TTC6: variants seen among roughly 807,000 people sequenced by gnomAD.
TTC6 encodes tetratricopeptide repeat protein 6.
A neutral mutation model predicts 210.4 loss-of-function variants in TTC6; 172 were observed. That is an observed-to-expected ratio of 0.82 (90% confidence interval 0.72 to 0.93). TTC6 has a LOEUF of 0.93. Among genes scored for constraint, TTC6 ranks in the 40% least tolerant of loss-of-function variants. The pLI, the probability that TTC6 is intolerant of heterozygous loss-of-function variation, is 0.00. For synonymous variants in TTC6, 804 were observed against 819.6 expected (o/e 0.98, Z 0.32); for missense variants, 2,414 against 2,318.1 (o/e 1.04, Z -0.85).
intron 14 of TTC6, among the ~76,000 whole-genome samples, chr14:37,781,309 A>G (rs1482203264): frequency 6.6e-6 from 1 of 152,128 alleles, no homozygotes; most frequent in Non-Finnish European, 1.5e-5. Flanking sequence ...TGACTTTTTA[A>G]TGATTGTCAT....
intron 14 of TTC6, among the ~76,000 whole-genome samples, chr14:37,766,956 CA>C (rs67869013): frequency 0.37 from 56,160 of 151,850 alleles, 11,397 homozygotes; most frequent in Admixed American, 0.46. Context: ...CTCCCCTCCC[CA>C]CATCCCACAG....
At chr14:37,771,182 C>T (rs1448544110) in intron 14 of TTC6, among the ~76,000 whole-genome samples, 1 of 152,148 alleles carries the variant, frequency 6.6e-6, no homozygotes, top group African/African-American at 2.4e-5. Flanking sequence ...CACTGTTAGT[C>T]TGATGGGCTT....
exon 1 of TTC6, chr14:37,622,526 G>T: frequency 6.5e-7 from 1 of 1,535,074 alleles, no homozygotes; most frequent in Non-Finnish European, 8.7e-7. Flanking sequence ...TGCTGCCTCC[G>T]CCCGAGCCAC....
chr14:37,721,121 C>T (rs1369785916), intron 6 of TTC6, among the ~76,000 whole-genome samples: 2 of 151,298 alleles, frequency 1.3e-5, no homozygotes, highest in African/African-American at 2.4e-5. Context: ...AAAATGTAGC[C>T]TCAGTTAAAA....
rs577564064 is a variant in TTC6 at position 37,829,694 on chromosome 14, G to A, written c.5298+2328G>A. 3.9e-5 allele frequency among the ~76,000 whole-genome samples: 6 copies of A among 152,166 alleles called. No individual in the cohort carries two copies. The East Asian group carries it at 1.2e-3, about 29-fold the overall frequency. The stretch of plus-strand genomic sequence containing the variant: ...ATCACATCATAGGGATGGTCTTGAA[G>A]GAAGTCTAAGTAGGGGAAAGAACAG... On this transcript the variant is annotated intron_variant, in intron 29 of 30. Coordinates refer to ENST00000553443, the Ensembl canonical transcript of TTC6.
At chr14:37,650,839 G>C (rs2095709941) in intron 1 of TTC6, among the ~76,000 whole-genome samples, 2 of 152,208 alleles carry the variant, frequency 1.3e-5, no homozygotes, top group East Asian at 1.9e-4. Context: ...AACAGCCGTA[G>C]AACCACAGAA....
chr14:37,812,181 T>C (rs2096131033), intron 24 of TTC6, 133 bp from the exon 27 acceptor site: 3 of 877,090 alleles, frequency 3.4e-6, no homozygotes, highest in African/African-American at 3.4e-5. Context: ...CATATGATTA[T>C]TTTGGCCATA....
chr14:37,600,722 C>G (rs982019044), intron 1 of TTC6, among the ~76,000 whole-genome samples: 1 of 152,106 alleles, frequency 6.6e-6, no homozygotes, highest in Admixed American at 6.5e-5. Flanking sequence ...TGAAATTATG[C>G]TTTGGACTGC....
intron 29 of TTC6, among the ~76,000 whole-genome samples, chr14:37,829,774 C>G (rs2096180309): frequency 6.6e-6 from 1 of 152,074 alleles, no homozygotes; most frequent in Non-Finnish European, 1.5e-5. Flanking sequence ...AGTGCTGACA[C>G]TTGGGGAAAT....
intron 4 of TTC6, among the ~76,000 whole-genome samples, chr14:37,697,446 T>A (rs902813662): frequency 6.6e-6 from 1 of 152,104 alleles, no homozygotes; most frequent in African/African-American, 2.4e-5. Flanking sequence ...CACCACTAAG[T>A]TTTTATGGGT....
At chr14:37,639,715 C>CAAAAAAAA (rs35837305) in intron 1 of TTC6, among the ~76,000 whole-genome samples, 7 of 74,186 alleles carry the variant, frequency 9.4e-5, no homozygotes, top group Admixed American at 1.7e-4. Context: ...ACAAGAAATA[C>CAAAAAAAA]AAAAAAAAAA....
intron 14 of TTC6, among the ~76,000 whole-genome samples, chr14:37,764,622 C>G (rs61977125): frequency 0.24 from 37,093 of 152,010 alleles, 4,763 homozygotes; most frequent in South Asian, 0.3. Context: ...GTGTGGAATA[C>G]CTTTTCCCAT....
intron 11 of TTC6, 31 bp downstream of exon 13, chr14:37,749,432 T>C (rs773977716): frequency 7.2e-7 from 1 of 1,388,232 alleles, no homozygotes; most frequent in South Asian, 1.9e-5. Flanking sequence ...ATAGTAATAT[T>C]CACCATTTAC....
intron 5 of TTC6, among the ~76,000 whole-genome samples, chr14:37,708,783 C>CTT (rs2095839860): frequency 6.6e-6 from 1 of 152,148 alleles, no homozygotes; most frequent in Admixed American, 6.6e-5. Context: ...GGATTTTTAT[C>CTT]TTACTATTGC....
At chr14:37,820,956 T>TCTCCTCCTCCTC (rs147457513) in intron 26 of TTC6, among the ~76,000 whole-genome samples, 10 of 144,924 alleles carry the variant, frequency 6.9e-5, no homozygotes, top group Admixed American at 2.1e-4. Context: ...TCCTCCTCCT[T>TCTCCTCCTCCTC]CTCCTCCTCC....
chr14:37,656,516 T>TGTGTGTGTGTGTGTGTGTGTGTGC (rs1595067696), intron 1 of TTC6, among the ~76,000 whole-genome samples: 2 of 6,614 alleles, frequency 3.0e-4, no homozygotes, highest in East Asian at 0.2. Context: ...TGTGTGTGCG[T>TGTGTGTGTGTGTGTGTGTGTGTGC]GTGTGTGTGT....
intron 7 of TTC6, among the ~76,000 whole-genome samples, chr14:37,727,256 A>G (rs1595158991): frequency 6.7e-6 from 1 of 148,278 alleles, no homozygotes; most frequent in African/African-American, 2.5e-5. Flanking sequence ...TCTGCTTTCC[A>G]TAGCATGTTG....
rs112549810 is a variant in TTC6 at position 37,644,441 on chromosome 14, G to C, written c.939+21438G>C. Among the ~76,000 whole-genome samples the C allele has an allele frequency of 3.3e-3, 505 of 152,254 alleles. 9 individuals are homozygous for C. Among genetic ancestry groups the C allele is most frequent in the African/African-American group, 0.011 (452 of 41,548 alleles). On this transcript the variant is annotated intron_variant, in intron 1 of 30. Coordinates refer to ENST00000553443, the Ensembl canonical transcript of TTC6. ...AGCAGGAAAGTTTTACACAAGAAAT[G>C]CATGTGTCTGAGATTGCACACCACT...
chr14:37,646,145 A>C (rs182792874), intron 1 of TTC6, among the ~76,000 whole-genome samples: 222 of 152,332 alleles, frequency 1.5e-3, no homozygotes, highest in African/African-American at 5.2e-3. Flanking sequence ...ATTAGGATTT[A>C]TGGTAGCAGA....
Sources: gnomAD v4.1 joint callset for allele counts (sites outside exome capture counted in the v4.1 genomes callset) on GRCh38, gnomAD v4.1.1 for gene constraint, MANE v1.5 for transcripts, NCBI Gene and HGNC (gene_info 2026-07-23, HGNC 2026-07-21) for gene names.